ABLIM3: variants seen among roughly 807,000 people sequenced by gnomAD.
ABLIM3 encodes actin-binding LIM protein 3.
ABLIM3 carries 61 observed loss-of-function variants against 109.5 expected under a neutral mutation model. That is an observed-to-expected ratio of 0.56 (90% CI 0.45 to 0.69). The LOEUF (loss-of-function observed/expected upper bound fraction) is 0.69. ABLIM3 is among the 30% of genes least tolerant of loss of function. The pLI, the probability that ABLIM3 is intolerant of heterozygous loss-of-function variation, is 0.00. For synonymous variants in ABLIM3, 300 were observed against 324.8 expected (o/e 0.92, Z 0.82); for missense variants, 796 against 889.5 (o/e 0.89, Z 1.34).
intron 2 of ABLIM3, among the ~76,000 whole-genome samples, chr5:149,147,485 T>G (rs1753043699): frequency 6.6e-6 from 1 of 152,250 alleles, no homozygotes; most frequent in Non-Finnish European, 1.5e-5. Flanking sequence ...TGAGGATTTT[T>G]GCATCTATGT....
At chr5:149,167,139 C>T (rs1403643239) in intron 2 of ABLIM3, among the ~76,000 whole-genome samples, 1 of 152,118 alleles carries the variant, frequency 6.6e-6, no homozygotes, top group Non-Finnish European at 1.5e-5. Context: ...CCAGGAATCC[C>T]TGAAAGTCCC....
chr5:149,165,364 A>C (rs1754728653), intron 2 of ABLIM3, among the ~76,000 whole-genome samples: 1 of 152,230 alleles, frequency 6.6e-6, no homozygotes, highest in Non-Finnish European at 1.5e-5. Context: ...CATTTTTGGG[A>C]ATACATTTAT....
In ABLIM3 at chr5:149,230,681, G is replaced by A. The variant is rs1296396549; in HGVS notation, c.790G>A (p.Ala264Thr). ...GGTTTGGCACCCCATCTGCAAACAGGCAGCCCGGGCAGAGAAGAAGTTAAA... is the reference window on the plus strand; with the variant it reads ...GGTTTGGCACCCCATCTGCAAACAGACAGCCCGGGCAGAGAAGAAGTTAAA... ...SEVWHPICKQ[A>T]ARAEKKLKHR... is the part of the protein sequence containing the mutation. Residue 264 changes from alanine to threonine, a missense_variant, in exon 9 of 24, where the codon GCA (alanine) becomes ACA (threonine). Ala to Thr is a moderately conservative substitution (Grantham distance 58, BLOSUM62 0). Coordinates refer to ENST00000309868, the MANE Select transcript of ABLIM3 (RefSeq NM_014945.5). 1 of 1,614,018 alleles carries A rather than the reference G, an allele frequency of 6.2e-7. No individual in the cohort carries two copies. Among genetic ancestry groups the A allele is most frequent in the South Asian group, 1.1e-5 (1 of 91,070 alleles).
intron 3 of ABLIM3, among the ~76,000 whole-genome samples, chr5:149,184,140 A>G (rs192271991): frequency 2.0e-5 from 3 of 152,196 alleles, no homozygotes; most frequent in Admixed American, 1.3e-4. Context: ...GCTAATTTAT[A>G]TACTCCTAGA....
chr5:149,224,525 C>G (rs1159106284), intron 8 of ABLIM3, among the ~76,000 whole-genome samples: 1 of 152,204 alleles, frequency 6.6e-6, no homozygotes, highest in Non-Finnish European at 1.5e-5. Context: ...GCAACCAAGC[C>G]AGGCTTCTGT....
At chr5:149,157,410 G>A (rs1243649733) in intron 2 of ABLIM3, among the ~76,000 whole-genome samples, 1 of 151,858 alleles carries the variant, frequency 6.6e-6, no homozygotes, top group South Asian at 2.1e-4. Flanking sequence ...TGATAGCCAG[G>A]GTGTCTGCTC....
chr5:149,163,962 T>C (rs1467359910), intron 2 of ABLIM3: 1 of 152,268 alleles, frequency 6.6e-6, no homozygotes. Context: ...ACATTTTGTA[T>C]TTCCAACATA....
At chr5:149,142,851 C>G (rs542921990) in intron 2 of ABLIM3, among the ~76,000 whole-genome samples, 2 of 152,124 alleles carry the variant, frequency 1.3e-5, no homozygotes, top group African/African-American at 4.8e-5. Context: ...TGTTTCTCTT[C>G]AATGTAGCGC....
chr5:149,189,012 T>C (rs1337746478), intron 3 of ABLIM3, among the ~76,000 whole-genome samples: 1 of 152,172 alleles, frequency 6.6e-6, no homozygotes, highest in East Asian at 1.9e-4. Flanking sequence ...AGCACAAGGA[T>C]AGGCATAGAA....
At chr5:149,234,799 T>C (rs1454134567) in intron 10 of ABLIM3, among the ~76,000 whole-genome samples, 2 of 152,150 alleles carry the variant, frequency 1.3e-5, no homozygotes, top group Non-Finnish European at 2.9e-5. Flanking sequence ...TTGACAAATA[T>C]GAGTATGTTT....
At chr5:149,153,336 T>G (rs1476731820) in intron 2 of ABLIM3, among the ~76,000 whole-genome samples, 1 of 152,202 alleles carries the variant, frequency 6.6e-6, no homozygotes, top group East Asian at 1.9e-4. Flanking sequence ...GTTCCATCTG[T>G]CACCACATCT....
At chr5:149,239,506 C>A (rs74469982) in intron 12 of ABLIM3, among the ~76,000 whole-genome samples, 1 of 152,282 alleles carries the variant, frequency 6.6e-6, no homozygotes, top group East Asian at 1.9e-4. Flanking sequence ...CTTCTGGGAT[C>A]CCTGGTCAGG....
chr5:149,252,661 T>C, intron 22 of ABLIM3, 96 bp from the exon 23 acceptor site: 2 of 944,688 alleles, frequency 2.1e-6, no homozygotes, highest in Non-Finnish European at 3.4e-6. Flanking sequence ...TCTGGCCATT[T>C]CTGGATAGAA....
chr5:149,198,523 G>T lies in ABLIM3; in HGVS notation c.335+121G>T. 2 of 1,234,774 alleles carry T rather than the reference G, an allele frequency of 1.6e-6. No homozygotes were observed. Among genetic ancestry groups the T allele is most frequent in the Non-Finnish European group, 2.2e-6 (2 of 909,832 alleles). 76.5% of individuals were successfully genotyped at this position (1,234,774 alleles called of 1,614,324 possible). On this transcript the variant is annotated intron_variant, in intron 4 of 23. Transcript: ENST00000309868. This position sits in a 1 kb window ranked among gnomAD's most constrained non-coding sequence, Gnocchi z 4.2. ...GTTTGTGCTGCACATTTAGATTTCT[G>T]GAACCTCAGGTGTGGAGGGATCTGA...
intron 12 of ABLIM3, among the ~76,000 whole-genome samples, 198 bp downstream of exon 12, chr5:149,239,475 C>A (rs879039887): frequency 1.3e-5 from 2 of 152,256 alleles, no homozygotes; most frequent in East Asian, 1.9e-4. Flanking sequence ...CCCTTCCTGC[C>A]CAGAGATGGC....
intron 2 of ABLIM3, among the ~76,000 whole-genome samples, chr5:149,161,884 C>T (rs893900243): frequency 2.0e-5 from 3 of 151,236 alleles, no homozygotes; most frequent in Admixed American, 1.3e-4. Context: ...TGTGTGTATG[C>T]GTGGGCTGTG....
intron 2 of ABLIM3, among the ~76,000 whole-genome samples, chr5:149,147,297 G>C (rs1753024059): frequency 6.6e-6 from 1 of 152,056 alleles, no homozygotes; most frequent in Non-Finnish European, 1.5e-5. Context: ...TTTAGCAAAA[G>C]CTTTTTCCAT....
intron 22 of ABLIM3, 22 bp from the exon 23 acceptor site, chr5:149,252,735 G>A: frequency 6.2e-7 from 1 of 1,603,872 alleles, no homozygotes. Context: ...CCAAGCTGGA[G>A]ACCACCCCCC....
chr5:149,162,971 G>A (rs1202609397), intron 2 of ABLIM3, among the ~76,000 whole-genome samples: 6 of 152,228 alleles, frequency 3.9e-5, no homozygotes, highest in Non-Finnish European at 8.8e-5. Flanking sequence ...AGGATGCATT[G>A]GAAAAGAAAG....
Sources: gnomAD v4.1 joint callset for allele counts (sites outside exome capture counted in the v4.1 genomes callset) on GRCh38, gnomAD v4.1.1 for gene constraint, Gnocchi (gnomAD v3.1) non-coding constraint, MANE v1.5 for transcripts, NCBI Gene and HGNC (gene_info 2026-07-23, HGNC 2026-07-21) for gene names.